Variants in NEDD9 observed in about 807,000 individuals in gnomAD.
The protein encoded by NEDD9 is neural precursor cell expressed, developmentally down-regulated 9.
In NEDD9, 26 loss-of-function variants were observed where a neutral mutation model predicts 76.6. The observed-to-expected ratio is 0.34, with a 90% CI of 0.25 to 0.47. The LOEUF (loss-of-function observed/expected upper bound fraction) is 0.47. Ranked by LOEUF, NEDD9 falls within the 20% of genes least tolerant of loss-of-function variation. The probability of loss-of-function intolerance (pLI) is 1.00; values close to 1 mark genes in which losing one functional copy is unlikely to be tolerated. For missense variants in NEDD9, 937 were observed against 1,058.5 expected (o/e 0.89, Z 1.59); for synonymous variants, 392 against 414.2 (o/e 0.95, Z 0.65).
chr6:11,221,856 C>A (rs564979774), intron 1 of NEDD9, among the ~76,000 whole-genome samples: 6 of 152,238 alleles, frequency 3.9e-5, no homozygotes, highest in African/African-American at 1.4e-4. Context: ...CCCACCCACC[C>A]ACAAGATAGA....
At chr6:11,295,069 C>T (rs1760859614) in intron 3 of NEDD9, among the ~76,000 whole-genome samples, 1 of 152,168 alleles carries the variant, frequency 6.6e-6, no homozygotes, top group African/African-American at 2.4e-5. Flanking sequence ...GTGAGGCCTC[C>T]CCGGCCATGT....
At chr6:11,348,268 A>G (rs1762400975) in intron 1 of NEDD9, among the ~76,000 whole-genome samples, 1 of 152,244 alleles carries the variant, frequency 6.6e-6, no homozygotes, top group Non-Finnish European at 1.5e-5. Flanking sequence ...ACACTGCTCA[A>G]AGAAATCAGA....
chr6:11,359,580 C>G (rs1183453680), intron 1 of NEDD9, among the ~76,000 whole-genome samples: 1 of 152,236 alleles, frequency 6.6e-6, no homozygotes. Flanking sequence ...CACTTTTGCC[C>G]CACATTCTTC....
At chr6:11,225,713 T>C (rs771403198) in intron 1 of NEDD9, among the ~76,000 whole-genome samples, 18 of 151,774 alleles carry the variant, frequency 1.2e-4, no homozygotes, top group Non-Finnish European at 2.2e-4. Context: ...GTGTTAGCCA[T>C]GATGGTCTGG....
chr6:11,222,396 A>C (rs1759167924), intron 1 of NEDD9, among the ~76,000 whole-genome samples: 1 of 152,196 alleles, frequency 6.6e-6, no homozygotes, highest in Non-Finnish European at 1.5e-5. Context: ...CTTGGCTGAG[A>C]GGTGTTTACA....
chr6:11,245,630 C>T (rs73721509), intron 3 of NEDD9, among the ~76,000 whole-genome samples: 1,266 of 112,762 alleles, frequency 0.011, 14 homozygotes, highest in African/African-American at 0.053. Flanking sequence ...GATAAACTTG[C>T]GTTGGGGGAA....
At chr6:11,275,399 T>A (rs1211028002) in intron 3 of NEDD9, among the ~76,000 whole-genome samples, 1 of 152,194 alleles carries the variant, frequency 6.6e-6, no homozygotes, top group African/African-American at 2.4e-5. Context: ...GAGTGGATTT[T>A]AAATATTTTT....
chr6:11,286,016 C>T (rs376854835), intron 3 of NEDD9, among the ~76,000 whole-genome samples: 1 of 152,138 alleles, frequency 6.6e-6, no homozygotes, highest in Non-Finnish European at 1.5e-5. Flanking sequence ...ATTAAAAACA[C>T]CTGCTCTTCT....
chr6:11,325,354 CAAAA>C (rs34414648), intron 2 of NEDD9, among the ~76,000 whole-genome samples: 1 of 92,638 alleles, frequency 1.1e-5, no homozygotes, highest in Non-Finnish European at 2.5e-5. Flanking sequence ...GACTCTGTCT[CAAAA>C]AAAAAAAAAA....
chr6:11,244,022 C>G (rs73359102), intron 3 of NEDD9, among the ~76,000 whole-genome samples: 4,757 of 152,220 alleles, frequency 0.031, 256 homozygotes, highest in African/African-American at 0.11. Flanking sequence ...AATCAGTAGA[C>G]TTTGAGTAAA....
intron 2 of NEDD9, among the ~76,000 whole-genome samples, chr6:11,315,470 A>G (rs1021772600): frequency 6.6e-6 from 1 of 152,256 alleles, no homozygotes; most frequent in African/African-American, 2.4e-5. Context: ...CCATTTGTAT[A>G]AAAGCAACCA....
intron 3 of NEDD9, among the ~76,000 whole-genome samples, chr6:11,299,560 T>C (rs1268345347): frequency 1.3e-5 from 2 of 152,108 alleles, no homozygotes; most frequent in Non-Finnish European, 1.5e-5. Flanking sequence ...CTCAAGTGGG[T>C]CCTTGACCCC....
intron 4 of NEDD9, among the ~76,000 whole-genome samples, chr6:11,191,941 A>G (rs1260131791): frequency 1.3e-5 from 2 of 152,092 alleles, no homozygotes; most frequent in African/African-American, 4.8e-5. Flanking sequence ...GGAAGTAAAG[A>G]CTGCAATGAG....
chr6:11,269,914 G>T (rs761549709), intron 3 of NEDD9, among the ~76,000 whole-genome samples: 2 of 152,208 alleles, frequency 1.3e-5, no homozygotes, highest in Non-Finnish European at 2.9e-5. Flanking sequence ...ATCACCTGAG[G>T]TCAGGAGTTG....
chr6:11,204,501 C>T (rs964686595), intron 2 of NEDD9, among the ~76,000 whole-genome samples: 1 of 152,010 alleles, frequency 6.6e-6, no homozygotes, highest in African/African-American at 2.4e-5. Flanking sequence ...GTGGGCAGAT[C>T]ACGAGGTCAG....
At chr6:11,335,244 A>G (rs1762132380) in intron 1 of NEDD9, among the ~76,000 whole-genome samples, 1 of 152,208 alleles carries the variant, frequency 6.6e-6, no homozygotes, top group African/African-American at 2.4e-5. Context: ...ACAACGAGTG[A>G]CGACCAGGTG....
chr6:11,220,990 A>C (rs890749178), intron 1 of NEDD9, among the ~76,000 whole-genome samples: 1 of 152,296 alleles, frequency 6.6e-6, no homozygotes, highest in Non-Finnish European at 1.5e-5. Context: ...GTCAACTTCT[A>C]TTATTTCCTG....
chr6:11,335,997 A>G (rs1479944856), intron 1 of NEDD9, among the ~76,000 whole-genome samples: 1 of 152,150 alleles, frequency 6.6e-6, no homozygotes, highest in Non-Finnish European at 1.5e-5. Context: ...TCCTGTCTCC[A>G]TTCCTGGTAA....
rs530778840 is a variant in NEDD9, at chr6:11,217,081, A to C, written c.13-3354T>G. ...TAAATGTCATCAGATTCCAACACAG[A>C]TAATACATCAGCAGGTAGGAAAAGG... On this transcript the variant is annotated intron_variant, in intron 1 of 6. Coordinates refer to ENST00000379446, the MANE Select transcript of NEDD9 (RefSeq NM_006403.4). Among the ~76,000 whole-genome samples the C allele has an allele frequency of 7.9e-5, 12 of 152,372 alleles. No homozygotes were observed. In the South Asian group the frequency reaches 2.3e-3, roughly 29 times the overall value.
Sources: gnomAD v4.1 joint callset for allele counts (sites outside exome capture counted in the v4.1 genomes callset) on GRCh38, gnomAD v4.1.1 for gene constraint, MANE v1.5 for transcripts, NCBI Gene and HGNC (gene_info 2026-07-23, HGNC 2026-07-21) for gene names.